CTNNA3: variants seen among roughly 807,000 people sequenced by gnomAD.
CTNNA3 encodes catenin alpha 3, also known as catenin alpha-3.
Under a neutral mutation model 95.7 loss-of-function variants are expected in CTNNA3, and 76 were observed. That is an observed-to-expected ratio of 0.79 (90% confidence interval 0.66 to 0.96). The LOEUF is 0.96. Ranked by LOEUF, CTNNA3 falls within the 40% of genes least tolerant of loss-of-function variation. The probability of loss-of-function intolerance (pLI) is 0.00; values close to 1 mark genes in which losing one functional copy is unlikely to be tolerated. For missense variants in CTNNA3, 1,191 were observed against 1,089.8 expected, an observed-to-expected ratio of 1.09 and a Z score of -1.31; for synonymous variants, 431 against 374.4, an observed-to-expected ratio of 1.15 and a Z score of -1.74.
At chr10:67,644,710 AG>A (rs1320558247) in intron 2 of CTNNA3, among the ~76,000 whole-genome samples, 1 of 151,984 alleles carries the variant, frequency 6.6e-6, no homozygotes, top group Non-Finnish European at 1.5e-5. Flanking sequence ...TTAGTTAAAT[AG>A]AATTCTGCTT....
intron 7 of CTNNA3, among the ~76,000 whole-genome samples, chr10:67,080,544 C>A (rs980995783): frequency 6.6e-6 from 1 of 152,036 alleles, no homozygotes; most frequent in African/African-American, 2.4e-5. Flanking sequence ...TTTATCATTC[C>A]TATGCTTAAG....
At chr10:67,027,940 T>C (rs1346572516) in intron 7 of CTNNA3, among the ~76,000 whole-genome samples, 1 of 152,186 alleles carries the variant, frequency 6.6e-6, no homozygotes, top group African/African-American at 2.4e-5. Context: ...ACTTTTTTGT[T>C]TATAAAATCT....
At chr10:66,777,389 A>G (rs1335855472) in intron 7 of CTNNA3, among the ~76,000 whole-genome samples, 1 of 152,164 alleles carries the variant, frequency 6.6e-6, no homozygotes, top group East Asian at 1.9e-4. Flanking sequence ...AACTGTGTCT[A>G]GGGAAGAGAG....
At chr10:66,218,439 A>C (rs77297915) in intron 13 of CTNNA3, among the ~76,000 whole-genome samples, 5,527 of 152,136 alleles carry the variant, frequency 0.036, 244 homozygotes, top group African/African-American at 0.11. Context: ...ATATGGCCTG[A>C]AGGAAGTCAT....
chr10:67,359,273 C>T (rs1267759689), intron 5 of CTNNA3, among the ~76,000 whole-genome samples: 5 of 150,696 alleles, frequency 3.3e-5, no homozygotes, highest in Non-Finnish European at 7.4e-5. Context: ...CAAAGAAACA[C>T]TAGCCCTCTC....
At chr10:66,498,922 C>A (rs1240919232) in intron 11 of CTNNA3, among the ~76,000 whole-genome samples, 2 of 152,118 alleles carry the variant, frequency 1.3e-5, no homozygotes, top group East Asian at 3.9e-4. Context: ...TCACTTTGGA[C>A]GTTACTCCTG....
At chr10:67,001,496 G>A (rs1220645836) in intron 7 of CTNNA3, among the ~76,000 whole-genome samples, 1 of 151,778 alleles carries the variant, frequency 6.6e-6, no homozygotes, top group Non-Finnish European at 1.5e-5. Flanking sequence ...GCACAGACAG[G>A]TGGAAAATTT....
At chr10:65,943,307 A>G (rs996734097) in intron 17 of CTNNA3, among the ~76,000 whole-genome samples, 3 of 151,906 alleles carry the variant, frequency 2.0e-5, no homozygotes, top group Non-Finnish European at 4.4e-5. Flanking sequence ...CTCGTGATCC[A>G]CCCACCTCAG....
At chr10:67,072,643 G>A (rs1002090442) in intron 7 of CTNNA3, among the ~76,000 whole-genome samples, 6 of 152,106 alleles carry the variant, frequency 3.9e-5, no homozygotes, top group Admixed American at 2.6e-4. Context: ...ATCTATACTT[G>A]TAAGCCATGA....
chr10:65,940,678 A>T (rs1216899515), intron 17 of CTNNA3, among the ~76,000 whole-genome samples: 1 of 151,698 alleles, frequency 6.6e-6, no homozygotes, highest in African/African-American at 2.4e-5. Context: ...CAGTGAAACA[A>T]TTTTTTTTTC....
chr10:67,666,442 T>C (rs1277027306), intron 1 of CTNNA3, among the ~76,000 whole-genome samples: 1 of 152,198 alleles, frequency 6.6e-6, no homozygotes, highest in Non-Finnish European at 1.5e-5. Context: ...TACATTAATT[T>C]CACTTTAGAA....
At chr10:67,026,725 C>T (rs941778751) in intron 7 of CTNNA3, among the ~76,000 whole-genome samples, 1 of 152,132 alleles carries the variant, frequency 6.6e-6, no homozygotes, top group Non-Finnish European at 1.5e-5. Flanking sequence ...TATTAACGTT[C>T]ATTTAAAACC....
chr10:66,544,518 G>T (rs553853705), intron 10 of CTNNA3, among the ~76,000 whole-genome samples: 1 of 152,040 alleles, frequency 6.6e-6, no homozygotes, highest in Non-Finnish European at 1.5e-5. Flanking sequence ...GACTGAGATT[G>T]CTTTAACAGA....
Position 66,279,000 on chromosome 10 carries a change from A to G in CTNNA3, c.1884+1470T>C, listed in dbSNP as rs542903319. On this transcript the variant is annotated intron_variant, in intron 13 of 17. Transcript: ENST00000433211. ...CATTGGTACAGGGCCACATTTTCTA[A>G]TCACTTAGAAATAGTTGTAGGTTGC... Among the ~76,000 whole-genome samples, 259 of 152,184 alleles carry G rather than the reference A, an allele frequency of 1.7e-3. 1 individual carries two copies. The highest frequency in any genetic ancestry group is 2.9e-3 in the Non-Finnish European group (194 of 67,990).
chr10:66,328,182 CATT>C (rs1400244572), intron 12 of CTNNA3, among the ~76,000 whole-genome samples: 1 of 152,044 alleles, frequency 6.6e-6, no homozygotes, highest in African/African-American at 2.4e-5. Flanking sequence ...AAGTGTTACA[CATT>C]GTGCTGACAG....
Position 66,812,081 on chromosome 10 carries a change from A to G in CTNNA3, c.1048-36557T>C, listed in dbSNP as rs10997393. Among the ~76,000 whole-genome samples, 118 of 152,148 alleles carry G rather than the reference A, an allele frequency of 7.8e-4. 1 individual carries two copies. The East Asian group carries it at 0.022, about 28-fold the overall frequency. On this transcript the variant is annotated intron_variant, in intron 7 of 17. Transcript: ENST00000433211. ...AGGTGCTCCTGGTTTTCTTTATCTC[A>G]CTGTAGTCAGCCTTACCATGTACCA...
At chr10:66,207,730 G>T (rs572014020) in intron 13 of CTNNA3, among the ~76,000 whole-genome samples, 2 of 152,014 alleles carry the variant, frequency 1.3e-5, no homozygotes, top group South Asian at 2.1e-4. Context: ...TATAATAATC[G>T]CTTTCTAAAT....
intron 7 of CTNNA3, among the ~76,000 whole-genome samples, chr10:66,856,328 CGT>C (rs1843681130): frequency 6.6e-6 from 1 of 151,994 alleles, no homozygotes; most frequent in Non-Finnish European, 1.5e-5. Flanking sequence ...CACTGATGGG[CGT>C]TTAGGTTGAT....
At chr10:66,204,909 T>C (rs965409724) in intron 13 of CTNNA3, among the ~76,000 whole-genome samples, 25 of 152,112 alleles carry the variant, frequency 1.6e-4, no homozygotes, top group Non-Finnish European at 1.6e-4. Flanking sequence ...TATTATATAA[T>C]TAATGGCAGA....
Sources: gnomAD v4.1 joint callset for allele counts (sites outside exome capture counted in the v4.1 genomes callset) on GRCh38, gnomAD v4.1.1 for gene constraint, MANE v1.5 for transcripts, NCBI Gene and HGNC (gene_info 2026-07-23, HGNC 2026-07-21) for gene names.